NECTIN3: variants seen among roughly 807,000 people sequenced by gnomAD.
NECTIN3 encodes the protein nectin cell adhesion molecule 3.
NECTIN3 carries 8 observed loss-of-function variants against 49.4 expected under a neutral mutation model. That is an observed-to-expected ratio of 0.16 (90% confidence interval 0.10 to 0.29). The LOEUF (loss-of-function observed/expected upper bound fraction) is 0.29. NECTIN3 is among the 10% of genes least tolerant of loss of function. The pLI, the probability that NECTIN3 is intolerant of heterozygous loss-of-function variation, is 1.00. For synonymous variants in NECTIN3, 277 were observed against 241.1 expected (o/e 1.15, Z -1.38); for missense variants, 581 against 654.6 (o/e 0.89, Z 1.23).
intron 1 of NECTIN3, among the ~76,000 whole-genome samples, chr3:111,107,165 TTTC>T (rs2033219599): frequency 6.6e-6 from 1 of 152,254 alleles, no homozygotes; most frequent in East Asian, 1.9e-4. Flanking sequence ...GTCATTACAT[TTTC>T]TTTTCTGTCA....
At chr3:111,116,302 T>C (rs2033687534) in intron 2 of NECTIN3, among the ~76,000 whole-genome samples, 2 of 152,148 alleles carry the variant, frequency 1.3e-5, no homozygotes, top group African/African-American at 4.8e-5. Context: ...ATTTCCACAG[T>C]AAGAAGTAAG....
chr3:111,164,557 C>T (rs934624039), intron 7 of NECTIN3, among the ~76,000 whole-genome samples: 3 of 152,106 alleles, frequency 2.0e-5, no homozygotes, highest in Admixed American at 6.5e-5. Context: ...ATTCTGGAGG[C>T]AGAAATCCCA....
At chr3:111,176,716 A>C (rs910777527) in intron 7 of NECTIN3, among the ~76,000 whole-genome samples, 5 of 151,962 alleles carry the variant, frequency 3.3e-5, no homozygotes, top group African/African-American at 7.3e-5. Context: ...CATTCAATTA[A>C]ATTTAAGATC....
chr3:111,129,688 G>A (rs535037901), intron 5 of NECTIN3, among the ~76,000 whole-genome samples: 20 of 151,056 alleles, frequency 1.3e-4, no homozygotes, highest in East Asian at 9.7e-4. Context: ...TCGCTCTGTC[G>A]CCCAGGCTGG....
At chr3:111,149,974 T>C (rs899049766) in intron 7 of NECTIN3, among the ~76,000 whole-genome samples, 6 of 152,060 alleles carry the variant, frequency 3.9e-5, no homozygotes, top group African/African-American at 1.4e-4. Flanking sequence ...GTGAAAACTA[T>C]TTTCCAAACC....
At position 111,091,355 on chromosome 3, in the gene NECTIN3, A is replaced by G. The variant is rs545565079; in HGVS notation, c.160+19178A>G. Among the ~76,000 whole-genome samples, 37 of 152,160 alleles carry G rather than the reference A, an allele frequency of 2.4e-4. 1 individual carries two copies. Among genetic ancestry groups the G allele is most frequent in the African/African-American group, 8.7e-4 (36 of 41,508 alleles). ...ACTGCAAGCTCCGCCTCCCAGGTTC[A>G]CGCCATCTCCTGCCTCAGCCTCCCG... is the stretch of plus-strand genomic sequence containing the variant. On this transcript the variant is annotated intron_variant, in intron 1 of 5. Coordinates refer to ENST00000485303, the MANE Select transcript of NECTIN3 (RefSeq NM_015480.3).
Position 111,137,087 on chromosome 3 carries a change from G to C in NECTIN3, c.*2872G>C. ...AAATATTTTGCATTAAGGAGCTGTA[G>C]GAGTACAGTGTATAAGTACAGAAAT... On this transcript the variant is annotated 3_prime_UTR_variant, in exon 6 of 6. Coordinates refer to ENST00000485303, the MANE Select transcript of NECTIN3 (RefSeq NM_015480.3). 1 of 983,088 alleles carries C rather than the reference G, an allele frequency of 1.0e-6. No individual in the cohort carries two copies. Among genetic ancestry groups the C allele is most frequent in the South Asian group, 4.7e-5 (1 of 21,254 alleles). The allele number at this position is 983,088 out of a possible 1,614,324, so 60.9% of individuals were successfully genotyped here.
chr3:111,118,128 C>T (rs988192110), intron 2 of NECTIN3, among the ~76,000 whole-genome samples: 4 of 151,356 alleles, frequency 2.6e-5, no homozygotes, highest in Non-Finnish European at 4.4e-5. Context: ...AAAAACATTT[C>T]ATCTCCAATA....
intron 1 of NECTIN3, among the ~76,000 whole-genome samples, chr3:111,102,247 G>A (rs1449377657): frequency 1.3e-5 from 2 of 152,112 alleles, no homozygotes; most frequent in African/African-American, 4.8e-5. Context: ...TTTTATAAAC[G>A]TTAAGACTGA....
intron 1 of NECTIN3, among the ~76,000 whole-genome samples, chr3:111,103,840 G>C (rs1429879665): frequency 2.0e-5 from 3 of 152,020 alleles, no homozygotes; most frequent in Non-Finnish European, 4.4e-5. Context: ...ATTGCTAGTT[G>C]GATGCCCCTT....
chr3:111,141,905 CACTT>C (rs2034755632), downstream of NECTIN3, among the ~76,000 whole-genome samples: 1 of 151,774 alleles, frequency 6.6e-6, no homozygotes, highest in East Asian at 1.9e-4. Flanking sequence ...TACATTTGGT[CACTT>C]AATTTTTTTC....
chr3:111,141,053 C>T (rs1157493231), downstream of NECTIN3, among the ~76,000 whole-genome samples: 1 of 151,864 alleles, frequency 6.6e-6, no homozygotes, highest in African/African-American at 2.4e-5. Flanking sequence ...CAAGGCCTGA[C>T]ACATACTAGG....
At chr3:111,085,419 A>G (rs924724132) in intron 1 of NECTIN3, among the ~76,000 whole-genome samples, 1 of 152,218 alleles carries the variant, frequency 6.6e-6, no homozygotes, top group Non-Finnish European at 1.5e-5. Context: ...AAATATTAAA[A>G]CTTTTAAAAT....
intron 2 of NECTIN3, among the ~76,000 whole-genome samples, chr3:111,116,433 T>G (rs1235933687): frequency 1.3e-5 from 2 of 152,146 alleles, no homozygotes; most frequent in African/African-American, 4.8e-5. Flanking sequence ...TGTAACACAT[T>G]AGGACTTAAT....
chr3:111,072,268 C>CGGTTGGTT, intron 1 of NECTIN3, 91 bp downstream of exon 1: 1 of 1,459,744 alleles, frequency 6.9e-7, no homozygotes, highest in Non-Finnish European at 9.0e-7. Context: ...TTCTCTGGAG[C>CGGTTGGTT]AGCGAGGCGG....
chr3:111,185,482 G>A (rs1290977688), intron 7 of NECTIN3, among the ~76,000 whole-genome samples: 1 of 138,290 alleles, frequency 7.2e-6, no homozygotes, highest in African/African-American at 3.4e-5. Flanking sequence ...TCTGGTATTA[G>A]TTCTCCATCA....
At chr3:111,082,774 A>G (rs2031696426) in intron 1 of NECTIN3, among the ~76,000 whole-genome samples, 1 of 152,202 alleles carries the variant, frequency 6.6e-6, no homozygotes. Flanking sequence ...ATTGTAATAT[A>G]TAATGAAATA....
Position 111,112,304 on chromosome 3 carries a change from A to G in NECTIN3, c.435A>G (p.Lys145=), listed in dbSNP as rs2033505001. Residue 145 remains lysine, a synonymous_variant, in exon 2 of 6, where the codon AAA becomes AAG. Coordinates refer to ENST00000485303, the MANE Select transcript of NECTIN3 (RefSeq NM_015480.3). ...ACATAGGATTCTCTGATTCTGGAAA[A>G]TACATCTGCAAAGCTGTTACATTCC... The part of the protein sequence containing the change: ...LHNIGFSDSG[K]YICKAVTFPL... The G allele has an allele frequency of 1.9e-6, 3 of 1,613,702 alleles. No homozygotes were observed. The highest frequency in any genetic ancestry group is 2.5e-6 in the Non-Finnish European group (3 of 1,179,836).
intron 7 of NECTIN3, among the ~76,000 whole-genome samples, chr3:111,176,845 C>T (rs76396641): frequency 1.3e-5 from 2 of 151,964 alleles, no homozygotes; most frequent in Non-Finnish European, 2.9e-5. Context: ...TTCTATTACA[C>T]CCTCAGTAGG....
Sources: allele counts gnomAD v4.1 joint callset (sites outside exome capture counted in the v4.1 genomes callset), GRCh38; gene constraint gnomAD v4.1.1; transcripts MANE v1.5; gene names NCBI Gene and HGNC (gene_info 2026-07-23, HGNC 2026-07-21).